HIP1: variants seen among roughly 807,000 people sequenced by gnomAD.
HIP1 encodes huntingtin-interacting protein 1.
Under a neutral mutation model 147.6 loss-of-function variants are expected in HIP1, and 65 were observed. The ratio of observed to expected loss-of-function variants is 0.44; its 90% CI spans 0.36 to 0.54. The LOEUF is 0.54. HIP1 is among the 20% of genes least tolerant of loss of function. The probability of loss-of-function intolerance (pLI) is 0.00; values close to 1 mark genes in which losing one functional copy is unlikely to be tolerated. For missense variants in HIP1, 1,061 were observed against 1,299.6 expected (o/e 0.82, Z 2.82); for synonymous variants, 479 against 504.0 (o/e 0.95, Z 0.67).
rs1274946455 is a variant in HIP1 at position 75,556,016 on chromosome 7, C to T, written c.1827+10G>A. 1.9e-6 allele frequency: 3 copies of T among 1,613,666 alleles called. No homozygotes were observed. The highest frequency in any genetic ancestry group is 2.5e-6 in the Non-Finnish European group (3 of 1,179,728). On this transcript the variant is annotated intron_variant, in intron 18 of 30. Transcript: ENST00000336926. ...ACAGGTGCTCGCTCGTGTCCATGTCCGTGACTTGCCTCTGTGCTGGCCAGT... is the reference window on the plus strand; with the variant it reads ...ACAGGTGCTCGCTCGTGTCCATGTCTGTGACTTGCCTCTGTGCTGGCCAGT...
intron 13 of HIP1, among the ~76,000 whole-genome samples, chr7:75,561,107 C>G (rs1372752272): frequency 2.0e-5 from 3 of 152,074 alleles, no homozygotes; most frequent in Admixed American, 6.6e-5. Context: ...TGCCTGCCAA[C>G]ACACCCGGCT....
At chr7:75,615,380 C>T (rs1797618196) in intron 1 of HIP1, among the ~76,000 whole-genome samples, 1 of 151,888 alleles carries the variant, frequency 6.6e-6, no homozygotes, top group Non-Finnish European at 1.5e-5. Flanking sequence ...CATGGTAAGA[C>T]CCCATCTCTA....
intron 1 of HIP1, among the ~76,000 whole-genome samples, chr7:75,658,916 CA>C (rs1430532679): frequency 3.9e-5 from 6 of 151,926 alleles, no homozygotes; most frequent in Non-Finnish European, 8.8e-5. Context: ...CACATACACA[CA>C]AAAACAAACA....
chr7:75,726,104 A>G (rs1455331871), intron 1 of HIP1, among the ~76,000 whole-genome samples: 2 of 152,182 alleles, frequency 1.3e-5, no homozygotes, highest in Non-Finnish European at 2.9e-5. Context: ...TTGTTATCAC[A>G]AACTGCTAGG....
chr7:75,649,524 G>A (rs1236074893), intron 1 of HIP1, among the ~76,000 whole-genome samples: 1 of 151,102 alleles, frequency 6.6e-6, no homozygotes, highest in African/African-American at 2.4e-5. Context: ...GAGGAAAACA[G>A]AGGTTGTTAT....
At position 75,552,652 on chromosome 7, in the gene HIP1, C is replaced by T. The variant is rs146783528; in HGVS notation, c.2295+801G>A. Among the ~76,000 whole-genome samples, 91 of 152,082 alleles carry T rather than the reference C, an allele frequency of 6.0e-4. 1 individual carries two copies. Among genetic ancestry groups the T allele is most frequent in the African/African-American group, 2.1e-3 (87 of 41,498 alleles). On this transcript the variant is annotated intron_variant, in intron 22 of 30. Transcript: ENST00000336926. The stretch of plus-strand genomic sequence containing the variant: ...GATTACAGGTGTGAGCCACCATGCT[C>T]GGCACTACATCTTTAGTAAATGAAT...
At chr7:75,694,426 T>C (rs190996225) in intron 1 of HIP1, among the ~76,000 whole-genome samples, 1 of 152,212 alleles carries the variant, frequency 6.6e-6, no homozygotes, top group Non-Finnish European at 1.5e-5. Context: ...GTCTGTTTTC[T>C]CTTTTTGCCA....
At position 75,534,167 on chromosome 7, in the gene HIP1, C is replaced by T. The variant is rs1456870418; in HGVS notation, c.*4005G>A. On this transcript the variant is annotated 3_prime_UTR_variant, in exon 31 of 31. Coordinates refer to ENST00000336926, the MANE Select transcript of HIP1 (RefSeq NM_005338.7). ...CCAAAGCCAACTAATCTGACCGGAG[C>T]GACATGTACCTGTGATTCCCGTGTT... 5 of 228,680 alleles carry T rather than the reference C, an allele frequency of 2.2e-5. No homozygotes were observed. The highest frequency in any genetic ancestry group is 4.3e-5 in the Non-Finnish European group (5 of 115,292). 14.2% of individuals were successfully genotyped at this position (228,680 alleles called of 1,614,324 possible). A position where few individuals can be genotyped will look rare whatever the true frequency, so the allele number is the denominator to read the frequency against.
At chr7:75,676,189 C>T (rs1348247839) in intron 1 of HIP1, among the ~76,000 whole-genome samples, 4 of 152,114 alleles carry the variant, frequency 2.6e-5, no homozygotes, top group Non-Finnish European at 4.4e-5. Context: ...TCATGTGTGG[C>T]CACTGAATTC....
intron 29 of HIP1, among the ~76,000 whole-genome samples, chr7:75,541,089 C>A (rs912290564): frequency 6.6e-6 from 1 of 151,600 alleles, no homozygotes; most frequent in African/African-American, 2.4e-5. Context: ...CATAGTAAGA[C>A]CCCGTCTCTA....
chr7:75,570,804 C>T (rs760693752), intron 8 of HIP1, among the ~76,000 whole-genome samples: 15 of 151,866 alleles, frequency 9.9e-5, no homozygotes, highest in Admixed American at 3.3e-4. Flanking sequence ...CTCAGGAGTT[C>T]GAGACAAGCC....
At chr7:75,681,155 C>T (rs535488411) in intron 1 of HIP1, among the ~76,000 whole-genome samples, 3 of 152,168 alleles carry the variant, frequency 2.0e-5, no homozygotes, top group Admixed American at 6.6e-5. Flanking sequence ...TCAGGTGATC[C>T]GTCCGCCTCG....
intron 7 of HIP1, among the ~76,000 whole-genome samples, chr7:75,575,456 T>C (rs1051947019): frequency 6.6e-6 from 1 of 152,070 alleles, no homozygotes; most frequent in Non-Finnish European, 1.5e-5. Flanking sequence ...TGAGACTCCA[T>C]CTCAAAAGAA....
chr7:75,612,169 G>A (rs1460483255), intron 1 of HIP1, among the ~76,000 whole-genome samples: 1 of 152,204 alleles, frequency 6.6e-6, no homozygotes, highest in Non-Finnish European at 1.5e-5. Context: ...GCCAGAGAAG[G>A]AAAACCTGAG....
intron 11 of HIP1, among the ~76,000 whole-genome samples, chr7:75,562,483 T>C (rs1321517796): frequency 2.0e-5 from 3 of 152,118 alleles, no homozygotes; most frequent in Non-Finnish European, 2.9e-5. Context: ...TATGTATTTA[T>C]ATTTTTAGGG....
At chr7:75,558,334 G>C (rs782795535) in intron 14 of HIP1, 79 bp from the exon 15 acceptor site, 10 of 1,079,614 alleles carry the variant, frequency 9.3e-6, no homozygotes, top group Non-Finnish European at 1.3e-5. Flanking sequence ...AGGGTCCCTA[G>C]AAGGTCCTCC....
intron 1 of HIP1, among the ~76,000 whole-genome samples, chr7:75,699,584 C>A (rs900473813): frequency 1.6e-4 from 24 of 152,292 alleles, no homozygotes; most frequent in African/African-American, 5.3e-4. Context: ...ACGGGCCAAA[C>A]AAAATGGGCC....
At chr7:75,592,575 C>G in intron 2 of HIP1, 61 bp from the exon 3 acceptor site, 1 of 1,536,180 alleles carries the variant, frequency 6.5e-7, no homozygotes, top group South Asian at 1.2e-5. Context: ...GGGACTGAGC[C>G]TGCACCCAGC....
rs782257540 is a variant in HIP1, at chr7:75,592,432, T to G, written c.267A>C (p.Ala89=). 17 of 1,612,510 alleles carry G rather than the reference T, an allele frequency of 1.1e-5. No individual in the cohort carries two copies. The highest frequency in any genetic ancestry group is 1.4e-5 in the Non-Finnish European group (17 of 1,179,656). The change falls in exon 3 of 31, where the codon GCA becomes GCC. Residue 89 remains alanine (A), a synonymous_variant. Transcript: ENST00000336926. ...CATGGCAGAACTTCCAGCAGAGCACTGCGTTGCTAGACAGAGGCAGGCGGT... is the reference window on the plus strand; with the variant it reads ...CATGGCAGAACTTCCAGCAGAGCACGGCGTTGCTAGACAGAGGCAGGCGGT... The part of the protein sequence containing the change: ...VVNRLPLSSN[A]VLCWKFCHVF...
Sources: gnomAD v4.1 joint callset for allele counts (sites outside exome capture counted in the v4.1 genomes callset) on GRCh38, gnomAD v4.1.1 for gene constraint, MANE v1.5 for transcripts, NCBI Gene and HGNC (gene_info 2026-07-23, HGNC 2026-07-21) for gene names.